ASAH2: variants seen among roughly 807,000 people sequenced by gnomAD.
ASAH2 encodes N-acylsphingosine amidohydrolase 2.
ASAH2 carries 58 observed loss-of-function variants against 82.9 expected under a neutral mutation model. That is an observed-to-expected ratio of 0.70 (90% confidence interval 0.57 to 0.87). The LOEUF (loss-of-function observed/expected upper bound fraction) is 0.87, where lower values mean the gene tolerates loss of function less well. Among genes scored for constraint, ASAH2 ranks in the 40% least tolerant of loss-of-function variants. ASAH2 has a pLI of 0.00. For missense variants in ASAH2, 779 were observed against 834.0 expected, an observed-to-expected ratio of 0.93 and a Z score of 0.81; for synonymous variants, 276 against 289.7, an observed-to-expected ratio of 0.95 and a Z score of 0.48.
intron 13 of ASAH2, among the ~76,000 whole-genome samples, chr10:50,205,515 G>T (rs1845270517): frequency 2.0e-5 from 3 of 151,924 alleles, no homozygotes; most frequent in African/African-American, 7.2e-5. Flanking sequence ...ATACTGAAAT[G>T]ACCTTTTGAC....
chr10:50,204,077 G>C (rs1258001412), intron 14 of ASAH2, among the ~76,000 whole-genome samples: 1 of 151,938 alleles, frequency 6.6e-6, no homozygotes, highest in Non-Finnish European at 1.5e-5. Context: ...AGGGGAGAGA[G>C]GTAAGAAATC....
At chr10:50,224,455 G>A (rs921671794) in intron 7 of ASAH2, among the ~76,000 whole-genome samples, 14 of 151,918 alleles carry the variant, frequency 9.2e-5, no homozygotes, top group Admixed American at 1.3e-4. Flanking sequence ...TTCAACATTC[G>A]CAACACATGT....
In ASAH2 at chr10:50,205,975, G is replaced by T; in HGVS notation, c.1530+7C>A. 1 of 1,590,458 alleles carries T rather than the reference G, an allele frequency of 6.3e-7. No homozygotes were observed. Reference sequence around the variant, plus strand: ...CTAATTTCACTATGATAACGAAAATGCATTACTTCTCCGGTGTGAAGAAGG... The same window carrying T: ...CTAATTTCACTATGATAACGAAAATTCATTACTTCTCCGGTGTGAAGAAGG... On this transcript the variant is annotated splice_region_variant and intron_variant, in intron 13 of 20. Transcript: ENST00000682911.
chr10:50,198,993 C>T (rs1845066111), intron 17 of ASAH2, 58 bp downstream of exon 17: 30 of 292,412 alleles, frequency 1.0e-4, no homozygotes, highest in Non-Finnish European at 1.2e-4. Flanking sequence ...TACAGACATA[C>T]ACACACACAC....
intron 16 of ASAH2, among the ~76,000 whole-genome samples, chr10:50,199,690 C>T (rs1845088659): frequency 6.7e-6 from 1 of 149,040 alleles, no homozygotes; most frequent in African/African-American, 2.5e-5. Flanking sequence ...ATACCAGCTT[C>T]CTCCACAACA....
intron 5 of ASAH2, 66 bp downstream of exon 5, chr10:50,235,822 C>T (rs1846145628): frequency 1.9e-6 from 3 of 1,543,270 alleles, no homozygotes; most frequent in Non-Finnish European, 2.7e-6. Context: ...TATATCACAT[C>T]CAATCACTCC....
chr10:50,188,965 A>G (rs1214184966), intron 20 of ASAH2, among the ~76,000 whole-genome samples: 2 of 134,720 alleles, frequency 1.5e-5, no homozygotes, highest in Admixed American at 7.3e-5. Context: ...AGGCAAAGAG[A>G]TATGTCTCTC....
At chr10:50,228,118 G>A (rs1179577851) in intron 7 of ASAH2, among the ~76,000 whole-genome samples, 4 of 152,086 alleles carry the variant, frequency 2.6e-5, no homozygotes, top group African/African-American at 7.2e-5. Context: ...GAGGCCAGGA[G>A]TTCAACACCA....
intron 4 of ASAH2, chr10:50,240,515 A>T (rs1331829734): frequency 1.0e-5 from 7 of 702,032 alleles, no homozygotes; most frequent in Middle Eastern, 2.3e-4. Context: ...TGTTTACATC[A>T]CTCCGCCACT....
At chr10:50,232,227 G>T in intron 7 of ASAH2, among the ~76,000 whole-genome samples, 1 of 152,184 alleles carries the variant, frequency 6.6e-6, no homozygotes, top group African/African-American at 2.4e-5. Flanking sequence ...CTTTTACTTA[G>T]ATATTTTATA....
In ASAH2 at chr10:50,245,387, T is replaced by C. The variant is rs538113005; in HGVS notation, c.195A>G (p.Gln65=). 42 of 1,613,836 alleles carry C rather than the reference T, an allele frequency of 2.6e-5. No homozygotes were observed. The Admixed American group carries it at 2.7e-4, about 10-fold the overall frequency. ...PPATQGSTAA[Q]RSTATQHSTA... ...TGGAATGCTGGGTGGCTGTGGAGCG[T>C]TGGGCAGCTGTGGAGCCCTGGGTGG... The change falls in exon 3 of 21, where the codon CAA becomes CAG. Residue 65 remains glutamine (Q), a synonymous_variant. Coordinates refer to ENST00000682911, the MANE Select transcript of ASAH2 (RefSeq NM_019893.4).
chr10:50,250,286 C>T (rs904949853), intron 1 of ASAH2, among the ~76,000 whole-genome samples: 2 of 152,168 alleles, frequency 1.3e-5, no homozygotes, highest in African/African-American at 4.8e-5. Flanking sequence ...GGTGAAAGAT[C>T]AGTCTAACAG....
chr10:50,229,181 G>C (rs1845967252), intron 7 of ASAH2, among the ~76,000 whole-genome samples: 1 of 152,064 alleles, frequency 6.6e-6, no homozygotes, highest in South Asian at 2.1e-4. Flanking sequence ...GACTCTCAAG[G>C]TTCTGTTTAT....
chr10:50,249,789 T>A (rs571638508), intron 1 of ASAH2, among the ~76,000 whole-genome samples: 13 of 152,272 alleles, frequency 8.5e-5, no homozygotes, highest in African/African-American at 3.1e-4. Flanking sequence ...GAGGCTAGTG[T>A]TAAAGGATGA....
At chr10:50,194,304 A>G (rs1356837731) in intron 18 of ASAH2, among the ~76,000 whole-genome samples, 1 of 151,576 alleles carries the variant, frequency 6.6e-6, no homozygotes, top group African/African-American at 2.4e-5. Context: ...AGGATTATAC[A>G]CCATGACTAA....
At chr10:50,219,488 G>C (rs1320773584) in intron 7 of ASAH2, among the ~76,000 whole-genome samples, 1 of 152,142 alleles carries the variant, frequency 6.6e-6, no homozygotes, top group African/African-American at 2.4e-5. Context: ...AGGTGAAAAG[G>C]ATATTTACAG....
At chr10:50,238,241 A>G (rs1846206597) in intron 4 of ASAH2, among the ~76,000 whole-genome samples, 1 of 152,126 alleles carries the variant, frequency 6.6e-6, no homozygotes. Context: ...AGTGGGGAGT[A>G]GCAGCTTCTA....
chr10:50,202,594 T>C (rs1319053746), intron 16 of ASAH2, among the ~76,000 whole-genome samples: 2 of 152,068 alleles, frequency 1.3e-5, no homozygotes, highest in African/African-American at 4.8e-5. Context: ...GACAAAATAA[T>C]TAATTTCAGG....
chr10:50,218,073 G>A (rs1845653103), intron 8 of ASAH2, among the ~76,000 whole-genome samples: 2 of 152,138 alleles, frequency 1.3e-5, no homozygotes, highest in African/African-American at 2.4e-5. Flanking sequence ...TCAATGAGCT[G>A]AGATCGTGCC....
Sources: allele counts gnomAD v4.1 joint callset (sites outside exome capture counted in the v4.1 genomes callset), GRCh38; gene constraint gnomAD v4.1.1; transcripts MANE v1.5; gene names NCBI Gene and HGNC (gene_info 2026-07-23, HGNC 2026-07-21).